Variants in DAB1 observed in about 807,000 individuals in gnomAD.
DAB1 encodes DAB adaptor protein 1, also known as disabled homolog 1.
Under a neutral mutation model 64.6 loss-of-function variants are expected in DAB1, and 15 were observed. The observed-to-expected ratio is 0.23, with a 90% confidence interval of 0.16 to 0.36. DAB1 has a LOEUF of 0.36. Among genes scored for constraint, DAB1 ranks in the 10% least tolerant of loss-of-function variants. The pLI is 1.00. For synonymous variants in DAB1, 235 were observed against 251.9 expected, an observed-to-expected ratio of 0.93 and a Z score of 0.64; for missense variants, 596 against 706.7, an observed-to-expected ratio of 0.84 and a Z score of 1.78.
chr1:57,776,497 TG>T (rs1649805444), intron 6 of DAB1, among the ~76,000 whole-genome samples: 1 of 151,884 alleles, frequency 6.6e-6, no homozygotes, highest in Admixed American at 6.6e-5. Flanking sequence ...TGTTTCCATC[TG>T]TTTTTTTATT....
intron 6 of DAB1, among the ~76,000 whole-genome samples, chr1:57,694,618 T>C (rs1313609247): frequency 6.6e-6 from 1 of 152,176 alleles, no homozygotes; most frequent in Non-Finnish European, 1.5e-5. Context: ...CTGCTTTCCA[T>C]TATTAGGCTT....
At chr1:57,422,445 C>T (rs1435553173) in intron 1 of DAB1, among the ~76,000 whole-genome samples, 1 of 152,038 alleles carries the variant, frequency 6.6e-6, no homozygotes, top group Non-Finnish European at 1.5e-5. Context: ...CATCGCCCCT[C>T]TTTCTAATGG....
At chr1:58,065,245 A>G (rs1470027216) in intron 5 of DAB1, among the ~76,000 whole-genome samples, 1 of 152,160 alleles carries the variant, frequency 6.6e-6, no homozygotes, top group Non-Finnish European at 1.5e-5. Context: ...CACAATCAGG[A>G]TTTGAATCCA....
chr1:57,441,982 G>A (rs1289289655), intron 7 of DAB1, among the ~76,000 whole-genome samples: 1 of 152,128 alleles, frequency 6.6e-6, no homozygotes, highest in Non-Finnish European at 1.5e-5. Flanking sequence ...CTATCTGACT[G>A]GTGTGAGATG....
chr1:57,557,905 A>T (rs1423965617), intron 7 of DAB1, among the ~76,000 whole-genome samples: 1 of 152,218 alleles, frequency 6.6e-6, no homozygotes, highest in African/African-American at 2.4e-5. Flanking sequence ...AGAAGCAGAT[A>T]CTGAGCCTCA....
At chr1:57,239,095 A>G (rs1015555203) in intron 2 of DAB1, among the ~76,000 whole-genome samples, 1 of 152,158 alleles carries the variant, frequency 6.6e-6, no homozygotes, top group African/African-American at 2.4e-5. Context: ...GGTCAAGCCC[A>G]TTAAGCTCAT....
chr1:57,145,490 T>A, intron 2 of DAB1, 61 bp from the exon 3 acceptor site: 1 of 1,551,430 alleles, frequency 6.4e-7, no homozygotes, highest in Non-Finnish European at 8.8e-7. Flanking sequence ...GCTTTGAGTA[T>A]CCACAATTCC....
chr1:58,530,915 A>G lies in DAB1; in HGVS notation n.33-3580T>C, dbSNP rs368075019. ...CCTTCCTTGGTTTATCTACTTATATACCTATTCATTCATTTAACTAGTATC... is the reference window on the plus strand; with the variant it reads ...CCTTCCTTGGTTTATCTACTTATATGCCTATTCATTCATTTAACTAGTATC... On this transcript the variant is annotated intron_variant and non_coding_transcript_variant, in intron 1 of 20. Coordinates refer to the DAB1 transcript ENST00000485760. Among the ~76,000 whole-genome samples, 268 of 152,142 alleles carry G rather than the reference A, an allele frequency of 1.8e-3. 6 individuals are homozygous for G. The South Asian group carries it at 0.052, about 30-fold the overall frequency.
chr1:57,850,404 C>T (rs1055958737), intron 1 of DAB1, among the ~76,000 whole-genome samples: 24 of 150,704 alleles, frequency 1.6e-4, no homozygotes, highest in Non-Finnish European at 1.3e-4. Context: ...TGTAAAAAGG[C>T]GCAGAGGTGA....
At chr1:58,223,627 C>A (rs367645275) in intron 4 of DAB1, among the ~76,000 whole-genome samples, 5 of 152,084 alleles carry the variant, frequency 3.3e-5, no homozygotes, top group South Asian at 4.1e-4. Context: ...TTCAGCCCAA[C>A]GAATCTGAAG....
intron 1 of DAB1, among the ~76,000 whole-genome samples, chr1:57,366,450 G>T (rs1222500331): frequency 1.3e-5 from 2 of 152,192 alleles, no homozygotes; most frequent in Admixed American, 6.5e-5. Context: ...AAACCATGCA[G>T]TGCTTCCCCA....
intron 7 of DAB1, among the ~76,000 whole-genome samples, chr1:57,494,991 C>T (rs753759488): frequency 3.3e-5 from 5 of 152,108 alleles, no homozygotes; most frequent in East Asian, 1.9e-4. Flanking sequence ...AATCACAATT[C>T]GAGCCATTCT....
intron 6 of DAB1, among the ~76,000 whole-genome samples, chr1:57,818,620 C>T (rs946944014): frequency 2.6e-5 from 4 of 151,924 alleles, no homozygotes; most frequent in African/African-American, 9.7e-5. Context: ...TTGTGAAACC[C>T]TACGCATTAG....
At chr1:57,229,025 T>C (rs1481031484) in intron 2 of DAB1, among the ~76,000 whole-genome samples, 17 of 152,178 alleles carry the variant, frequency 1.1e-4, no homozygotes. Flanking sequence ...AGTTCCAAAA[T>C]ACTTATCACC....
At chr1:58,196,032 G>C (rs960356523) in intron 4 of DAB1, among the ~76,000 whole-genome samples, 2 of 152,172 alleles carry the variant, frequency 1.3e-5, no homozygotes, top group East Asian at 3.9e-4. Context: ...TCTTCACAGA[G>C]GTCTGGGCTC....
intron 4 of DAB1, among the ~76,000 whole-genome samples, chr1:58,300,656 GGAAGGAAGGAAGGAAGGAAGGA>G (rs1662145646): frequency 6.8e-5 from 7 of 102,388 alleles, no homozygotes; most frequent in African/African-American, 3.1e-4. Flanking sequence ...GAGGAAGGAA[GGAAGGAAGGAAGGAAGGAAGGA>G]AGGAAGGAAG....
At chr1:57,529,567 G>A (rs1023263381) in intron 7 of DAB1, among the ~76,000 whole-genome samples, 1 of 152,080 alleles carries the variant, frequency 6.6e-6, no homozygotes, top group African/African-American at 2.4e-5. Flanking sequence ...AAAATATGTT[G>A]TGACTATATT....
At chr1:58,414,644 T>C (rs75260194) in intron 3 of DAB1, among the ~76,000 whole-genome samples, 5,093 of 152,072 alleles carry the variant, frequency 0.033, 106 homozygotes, top group African/African-American at 0.063. Context: ...AGGGAAAACA[T>C]AGCATTATAG....
In DAB1 at chr1:58,236,856, A is replaced by T. The variant is rs370450446; in HGVS notation, n.310-86268T>A. Among the ~76,000 whole-genome samples the T allele has an allele frequency of 2.0e-4, 31 of 152,340 alleles. 1 individual carries two copies. The East Asian group carries it at 5.6e-3, about 27-fold the overall frequency. Reference sequence around the variant, plus strand: ...CAAATCCAAACTTTACGTTGCTTTTACAGTTTTTTGAGTCATAATATATTG... The same window carrying T: ...CAAATCCAAACTTTACGTTGCTTTTTCAGTTTTTTGAGTCATAATATATTG... On this transcript the variant is annotated intron_variant and non_coding_transcript_variant, in intron 4 of 20. Transcript: ENST00000485760.
Sources: allele counts gnomAD v4.1 joint callset (sites outside exome capture counted in the v4.1 genomes callset), GRCh38; gene constraint gnomAD v4.1.1; transcripts MANE v1.5; gene names NCBI Gene and HGNC (gene_info 2026-07-23, HGNC 2026-07-21).